The following ADAM18 variants were observed in gnomAD, a reference collection of about 807,000 sequenced individuals.
The protein encoded by ADAM18 is disintegrin and metalloproteinase domain-containing protein 18.
A neutral mutation model predicts 94.4 loss-of-function variants in ADAM18; 117 were observed. The ratio of observed to expected loss-of-function variants is 1.24; its 90% CI spans 1.07 to 1.45. The LOEUF (loss-of-function observed/expected upper bound fraction) is 1.45. Among genes scored for constraint, ADAM18 ranks in the 40% most tolerant of loss-of-function variants. The pLI, the probability that ADAM18 is intolerant of heterozygous loss-of-function variation, is 0.00. For missense variants in ADAM18, 936 were observed against 880.0 expected, an observed-to-expected ratio of 1.06 and a Z score of -0.81; for synonymous variants, 327 against 291.6, an observed-to-expected ratio of 1.12 and a Z score of -1.24.
chr8:39,593,372 G>A (rs189154089), intron 2 of ADAM18, among the ~76,000 whole-genome samples: 15 of 152,112 alleles, frequency 9.9e-5, no homozygotes, highest in Admixed American at 3.3e-4. Context: ...AATGGCATTC[G>A]TCACAGAAAT....
chr8:39,700,319 A>C (rs568593853), intron 17 of ADAM18, among the ~76,000 whole-genome samples: 6 of 152,328 alleles, frequency 3.9e-5, no homozygotes, highest in African/African-American at 1.4e-4. Flanking sequence ...ATAATTGCTT[A>C]CTTATGTAAG....
intron 7 of ADAM18, 148 bp from the exon 8 acceptor site, chr8:39,637,116 G>A (rs1452111411): frequency 7.6e-6 from 3 of 393,834 alleles, no homozygotes; most frequent in Non-Finnish European, 1.4e-5. Flanking sequence ...ATAAAATAGT[G>A]TAGAATTTGC....
In ADAM18 at chr8:39,648,532, G is replaced by A; in HGVS notation, c.1230+5G>A. The A allele has an allele frequency of 2.5e-6, 4 of 1,586,658 alleles. No individual in the cohort carries two copies. The highest frequency in any genetic ancestry group is 2.6e-6 in the Non-Finnish European group (3 of 1,167,304). On this transcript the variant is annotated splice_donor_5th_base_variant and intron_variant, in intron 12 of 19. Transcript: ENST00000265707. ...TGTGACTGTGGTAATAAAAATGTGA[G>A]TAACAAAGATTGAAACTCGAGCACA...
Position 39,729,917 on chromosome 8 carries a change from G to A in ADAM18, c.2197G>A (p.Glu733Lys). 1.9e-6 allele frequency: 3 copies of A among 1,613,462 alleles called. No homozygotes were observed. Among genetic ancestry groups the A allele is most frequent in the Non-Finnish European group, 2.5e-6 (3 of 1,179,472 alleles). Residue 733 changes from glutamate (E) to lysine (K), a missense_variant, in exon 20 of 20, where the codon GAA (glutamate) becomes AAA (lysine). Physicochemically the swap from Glu to Lys is moderately conservative, Grantham distance 56. Transcript: ENST00000265707. ...EYNRNSSVVSESDDVGH is the reference protein window; with the variant it reads ...EYNRNSSVVSKSDDVGH Reference sequence around the variant, plus strand: ...CTATAGTAATTCATCCGTTGTATCAGAAAGCGATGACGTGGGACATTAATA... The same window carrying A: ...CTATAGTAATTCATCCGTTGTATCAAAAAGCGATGACGTGGGACATTAATA...
At chr8:39,600,052 G>A (rs1408101843) in intron 2 of ADAM18, among the ~76,000 whole-genome samples, 2 of 152,046 alleles carry the variant, frequency 1.3e-5, no homozygotes, top group African/African-American at 2.4e-5. Context: ...TCTGACATTA[G>A]CTGTAGATTT....
chr8:39,677,503 T>C lies in ADAM18; in HGVS notation c.1598T>C (p.Phe533Ser), dbSNP rs1429537884. ...SLHERSENCG[F>S]KNSQPLPCER... ...CATGAAAGATCTGAAAACTGTGGTT[T>C]TAAAAATTCACAACCATTACCTTGT... Residue 533 changes from phenylalanine (F) to serine (S), a missense_variant, in exon 15 of 20, where the codon TTT becomes TCT. Coordinates refer to ENST00000265707, the MANE Select transcript of ADAM18 (RefSeq NM_014237.3). The C allele has an allele frequency of 1.9e-6, 3 of 1,610,418 alleles. No individual in the cohort carries two copies. Among genetic ancestry groups the C allele is most frequent in the Non-Finnish European group, 2.5e-6 (3 of 1,179,166 alleles).
chr8:39,656,236 C>A (rs1471911478), intron 12 of ADAM18, among the ~76,000 whole-genome samples: 1 of 150,788 alleles, frequency 6.6e-6, no homozygotes, highest in Non-Finnish European at 1.5e-5. Context: ...TTTCATAAAT[C>A]TATTTTCATT....
chr8:39,707,302 C>T (rs1822267412), intron 18 of ADAM18, among the ~76,000 whole-genome samples: 1 of 152,136 alleles, frequency 6.6e-6, no homozygotes, highest in African/African-American at 2.4e-5. Context: ...GTTTTTCAGT[C>T]CAAACCTATT....
intron 6 of ADAM18, among the ~76,000 whole-genome samples, chr8:39,624,056 C>T (rs1020821725): frequency 2.6e-5 from 4 of 152,028 alleles, no homozygotes; most frequent in African/African-American, 9.7e-5. Flanking sequence ...GGATATTAGT[C>T]CTTTGTCAGA....
chr8:39,651,062 A>G (rs111785037), intron 12 of ADAM18, among the ~76,000 whole-genome samples: 7,120 of 128,850 alleles, frequency 0.055, no homozygotes, highest in Non-Finnish European at 0.061. Context: ...AAACATGTGA[A>G]CAAATGTCTC....
intron 18 of ADAM18, among the ~76,000 whole-genome samples, chr8:39,721,455 T>C (rs1234165119): frequency 6.6e-6 from 1 of 151,350 alleles, no homozygotes; most frequent in Non-Finnish European, 1.5e-5. Flanking sequence ...GAAAAACTAA[T>C]AATCAACAAA....
rs116193622 is a variant in ADAM18, at chr8:39,663,755, T to C, written c.1231-40T>C. The C allele has an allele frequency of 3.7e-3, 4,995 of 1,333,234 alleles. 160 individuals carry two copies. In the African/African-American group the frequency reaches 0.065, roughly 17 times the overall value. The allele number at this position is 1,333,234 out of a possible 1,614,324, so 82.6% of individuals were successfully genotyped here. A position where few individuals can be genotyped will look rare whatever the true frequency, so the allele number is the denominator to read the frequency against. ...AGATTAAGAAACAAGAGCTTTTAAG[T>C]GGTTAAACTGTAATAATATTTCTTC... On this transcript the variant is annotated intron_variant, in intron 12 of 19. Coordinates refer to ENST00000265707, the MANE Select transcript of ADAM18 (RefSeq NM_014237.3).
chr8:39,690,465 A>G (rs1821741538), intron 16 of ADAM18, among the ~76,000 whole-genome samples: 1 of 152,116 alleles, frequency 6.6e-6, no homozygotes. Context: ...TGCAGGTAGG[A>G]GGCCTAATTT....
rs1563304013 is a variant in ADAM18 at position 39,680,140 on chromosome 8, GTATC to G, written c.1739_1742del (p.Ser580Ter). On this transcript the variant is annotated frameshift_variant, in exon 16 of 20. Coordinates refer to ENST00000265707, the MANE Select transcript of ADAM18 (RefSeq NM_014237.3). LOFTEE classifies it high-confidence loss of function. Reference sequence around the variant, plus strand: ...TTCATATATTCAAGACCATGTATGTGTATCTATAGCCACTGGTTCCTCCATGAGA... The same window carrying G: ...TTCATATATTCAAGACCATGTATGTGTATAGCCACTGGTTCCTCCATGAGA... 3 of 1,613,806 alleles carry G rather than the reference GTATC, an allele frequency of 1.9e-6. No individual in the cohort carries two copies. Among genetic ancestry groups the G allele is most frequent in the Admixed American group, 1.7e-5 (1 of 59,944 alleles).
chr8:39,621,803 T>C (rs956206910), intron 6 of ADAM18, among the ~76,000 whole-genome samples: 1 of 152,200 alleles, frequency 6.6e-6, no homozygotes, highest in African/African-American at 2.4e-5. Flanking sequence ...GAAGCTGTTA[T>C]CCTCATCAAA....
At chr8:39,631,358 AT>A (rs1819926467) in intron 7 of ADAM18, among the ~76,000 whole-genome samples, 1 of 151,358 alleles carries the variant, frequency 6.6e-6, no homozygotes, top group Non-Finnish European at 1.5e-5. Context: ...TATATTTTTA[AT>A]TGAGCAATGT....
intron 6 of ADAM18, among the ~76,000 whole-genome samples, chr8:39,618,675 C>T (rs1320028015): frequency 1.3e-5 from 2 of 152,092 alleles, no homozygotes; most frequent in Non-Finnish European, 2.9e-5. Flanking sequence ...CTAGAAGAGC[C>T]GTGGCAAGAT....
intron 18 of ADAM18, among the ~76,000 whole-genome samples, chr8:39,719,410 C>T (rs865941291): frequency 1.3e-5 from 2 of 151,270 alleles, no homozygotes; most frequent in Admixed American, 6.6e-5. Flanking sequence ...ACTTTGAGCG[C>T]AGATTTTGTA....
chr8:39,602,309 A>C (rs1251661412), intron 2 of ADAM18, among the ~76,000 whole-genome samples: 2 of 152,216 alleles, frequency 1.3e-5, no homozygotes, highest in Non-Finnish European at 2.9e-5. Flanking sequence ...CCACCAGCAC[A>C]AGGATTCCAA....
Sources: gnomAD v4.1 joint callset for allele counts (sites outside exome capture counted in the v4.1 genomes callset) on GRCh38, gnomAD v4.1.1 for gene constraint, MANE v1.5 for transcripts, NCBI Gene and HGNC (gene_info 2026-07-23, HGNC 2026-07-21) for gene names.